Variants in STXBP6 observed in about 807,000 individuals in gnomAD.
STXBP6 encodes the protein syntaxin binding protein 6, also known as syntaxin-binding protein 6.
A neutral mutation model predicts 26.9 loss-of-function variants in STXBP6; 21 were observed. The observed-to-expected ratio is 0.78, with a 90% confidence interval of 0.55 to 1.12. The LOEUF is 1.12. STXBP6 is among the 50% of genes most tolerant of loss of function. STXBP6 has a pLI of 0.00. For synonymous variants in STXBP6, 97 were observed against 92.6 expected, an observed-to-expected ratio of 1.05 and a Z score of -0.27; for missense variants, 232 against 257.9, an observed-to-expected ratio of 0.90 and a Z score of 0.69.
At chr14:24,960,300 A>G (rs975218328) in intron 2 of STXBP6, among the ~76,000 whole-genome samples, 2 of 152,204 alleles carry the variant, frequency 1.3e-5, no homozygotes, top group African/African-American at 4.8e-5. Flanking sequence ...GCCAGAAGTT[A>G]CATGTACTGC....
At chr14:24,844,796 T>C (rs1417725311) in intron 4 of STXBP6, among the ~76,000 whole-genome samples, 1 of 152,200 alleles carries the variant, frequency 6.6e-6, no homozygotes, top group Non-Finnish European at 1.5e-5. Context: ...CCAGTGAATG[T>C]GAACTTGTCT....
At chr14:24,888,966 C>T (rs2070691162) in intron 2 of STXBP6, among the ~76,000 whole-genome samples, 1 of 152,060 alleles carries the variant, frequency 6.6e-6, no homozygotes, top group African/African-American at 2.4e-5. Context: ...TCCCAGGACC[C>T]TGGCAGCCAG....
intron 1 of STXBP6, among the ~76,000 whole-genome samples, chr14:25,040,034 C>A (rs534072826): frequency 5.9e-5 from 9 of 152,178 alleles, no homozygotes; most frequent in African/African-American, 1.9e-4. Flanking sequence ...ACAGGATACC[C>A]AGGTGACCAC....
chr14:24,826,361 A>T (rs1186916101), intron 4 of STXBP6, among the ~76,000 whole-genome samples: 1 of 152,156 alleles, frequency 6.6e-6, no homozygotes, highest in Non-Finnish European at 1.5e-5. Context: ...TGGGGCATTT[A>T]CAACAGTGTT....
At chr14:24,827,005 G>A (rs764553476) in intron 4 of STXBP6, among the ~76,000 whole-genome samples, 13 of 152,044 alleles carry the variant, frequency 8.6e-5, no homozygotes, top group Non-Finnish European at 1.8e-4. Context: ...TTTTGAGATC[G>A]GCCTGGGCAG....
chr14:25,011,028 C>T (rs6574131), intron 1 of STXBP6, among the ~76,000 whole-genome samples: 21,801 of 151,052 alleles, frequency 0.14, 1,707 homozygotes, highest in African/African-American at 0.21. Context: ...TTACTTAAAT[C>T]AGATATTGAG....
intron 1 of STXBP6, among the ~76,000 whole-genome samples, chr14:24,990,642 T>G (rs2074443016): frequency 8.6e-6 from 1 of 116,512 alleles, no homozygotes; most frequent in Non-Finnish European, 1.6e-5. Flanking sequence ...TGGACATGAG[T>G]GAATGAAACT....
intron 2 of STXBP6, among the ~76,000 whole-genome samples, chr14:24,886,116 C>A (rs529634370): frequency 6.6e-6 from 1 of 152,342 alleles, no homozygotes; most frequent in Admixed American, 6.5e-5. Context: ...ACTCCGACAA[C>A]ACTTTCTGTA....
chr14:24,967,679 C>T (rs1387361489), intron 2 of STXBP6, among the ~76,000 whole-genome samples: 2 of 152,104 alleles, frequency 1.3e-5, no homozygotes, highest in Non-Finnish European at 2.9e-5. Context: ...GATGTACACA[C>T]CAAATCTCTA....
chr14:24,859,303 T>G (rs2069449611), intron 2 of STXBP6, among the ~76,000 whole-genome samples: 1 of 152,200 alleles, frequency 6.6e-6, no homozygotes, highest in Admixed American at 6.5e-5. Context: ...TCTTGGAGTC[T>G]GGCTAGTTTT....
intron 4 of STXBP6, among the ~76,000 whole-genome samples, chr14:24,852,187 AG>A (rs2069179785): frequency 6.6e-6 from 1 of 152,146 alleles, no homozygotes; most frequent in Admixed American, 6.6e-5. Context: ...TGCTCTGAAC[AG>A]GGACCCCATG....
chr14:24,972,644 TA>T (rs2073935882), intron 2 of STXBP6, among the ~76,000 whole-genome samples: 1 of 152,206 alleles, frequency 6.6e-6, no homozygotes, highest in Non-Finnish European at 1.5e-5. Context: ...AGTCTTTATT[TA>T]AGTGTATTCT....
intron 1 of STXBP6, among the ~76,000 whole-genome samples, chr14:24,997,750 G>A (rs748589810): frequency 3.9e-5 from 6 of 152,096 alleles, no homozygotes; most frequent in African/African-American, 4.8e-5. Flanking sequence ...ACAGCATGCC[G>A]TACAATCTCC....
chr14:24,974,938 G>A, intron 1 of STXBP6, 88 bp from the exon 2 acceptor site: 2 of 835,468 alleles, frequency 2.4e-6, no homozygotes, highest in Non-Finnish European at 3.4e-6. Flanking sequence ...ATTTGCAGGT[G>A]AAGTAATTTT....
At chr14:24,841,271 TA>T (rs1343858120) in intron 4 of STXBP6, among the ~76,000 whole-genome samples, 1 of 152,230 alleles carries the variant, frequency 6.6e-6, no homozygotes, top group Non-Finnish European at 1.5e-5. Flanking sequence ...TTGAAGATAT[TA>T]ATGTATTGAC....
intron 4 of STXBP6, among the ~76,000 whole-genome samples, chr14:24,849,392 T>C (rs2069071564): frequency 6.6e-6 from 1 of 152,136 alleles, no homozygotes; most frequent in South Asian, 2.1e-4. Context: ...ACAAAGATCT[T>C]GTTAAATTGG....
intron 2 of STXBP6, among the ~76,000 whole-genome samples, chr14:24,879,903 C>T (rs1275327666): frequency 2.0e-5 from 3 of 152,140 alleles, no homozygotes; most frequent in African/African-American, 4.8e-5. Context: ...CTGCCTGCTC[C>T]GAACCCACCA....
intron 2 of STXBP6, among the ~76,000 whole-genome samples, chr14:24,972,171 A>G (rs1237340692): frequency 6.6e-6 from 1 of 152,212 alleles, no homozygotes; most frequent in African/African-American, 2.4e-5. Context: ...TCCTCTCAAG[A>G]TTCAAAACCA....
intron 2 of STXBP6, among the ~76,000 whole-genome samples, chr14:24,922,210 G>A (rs1453819743): frequency 6.6e-6 from 1 of 151,876 alleles, no homozygotes; most frequent in African/African-American, 2.4e-5. Flanking sequence ...TGAAAAATTA[G>A]CAAAGAATTT....
Sources: allele counts gnomAD v4.1 joint callset (sites outside exome capture counted in the v4.1 genomes callset), GRCh38; gene constraint gnomAD v4.1.1; transcripts MANE v1.5; gene names NCBI Gene and HGNC (gene_info 2026-07-23, HGNC 2026-07-21).